Variants in LRRC4C observed in about 807,000 individuals in gnomAD.
LRRC4C encodes leucine-rich repeat-containing protein 4C.
LRRC4C carries 5 observed loss-of-function variants against 33.6 expected under a neutral mutation model. The observed-to-expected ratio is 0.15, with a 90% CI of 0.08 to 0.31. LRRC4C has a LOEUF of 0.31. LRRC4C is among the 10% of genes least tolerant of loss of function. The probability of loss-of-function intolerance (pLI) is 1.00; values close to 1 mark genes in which losing one functional copy is unlikely to be tolerated. For missense variants in LRRC4C, 560 were observed against 796.7 expected, an observed-to-expected ratio of 0.70 and a Z score of 3.58; for synonymous variants, 329 against 302.0, an observed-to-expected ratio of 1.09 and a Z score of -0.93.
At chr11:40,759,962 CAAAA>C (rs57459258) in intron 2 of LRRC4C, among the ~76,000 whole-genome samples, 4 of 95,730 alleles carry the variant, frequency 4.2e-5, no homozygotes, top group Admixed American at 2.0e-4. Flanking sequence ...ACAACAACAA[CAAAA>C]AAAAAAAAAA....
intron 2 of LRRC4C, among the ~76,000 whole-genome samples, chr11:40,909,769 C>T (rs1285767449): frequency 6.6e-6 from 1 of 152,118 alleles, no homozygotes; most frequent in East Asian, 1.9e-4. Flanking sequence ...TAATTCTCAG[C>T]ACAACATTGT....
intron 1 of LRRC4C, among the ~76,000 whole-genome samples, chr11:41,265,953 C>T (rs1337552051): frequency 6.6e-6 from 1 of 151,798 alleles, no homozygotes; most frequent in East Asian, 1.9e-4. Flanking sequence ...GGATGAGATA[C>T]AACACTTGAT....
chr11:41,222,358 T>A (rs988947086), intron 1 of LRRC4C, among the ~76,000 whole-genome samples: 3 of 152,060 alleles, frequency 2.0e-5, no homozygotes, highest in African/African-American at 7.2e-5. Context: ...CAGCTGACAC[T>A]TCCTCTCCCC....
At chr11:41,042,634 T>C (rs1184767273) in intron 1 of LRRC4C, among the ~76,000 whole-genome samples, 1 of 152,200 alleles carries the variant, frequency 6.6e-6, no homozygotes, top group Non-Finnish European at 1.5e-5. Flanking sequence ...ACATCAATTT[T>C]GTCTTAGATC....
intron 1 of LRRC4C, among the ~76,000 whole-genome samples, chr11:41,103,968 T>C (rs867193934): frequency 1.3e-5 from 2 of 151,994 alleles, no homozygotes; most frequent in Middle Eastern, 6.8e-3. Flanking sequence ...AAACTATATA[T>C]AAACATTAAA....
At chr11:41,424,958 C>T (rs951752776) in intron 1 of LRRC4C, among the ~76,000 whole-genome samples, 1 of 151,870 alleles carries the variant, frequency 6.6e-6, no homozygotes, top group African/African-American at 2.4e-5. Flanking sequence ...TAGTATTAAA[C>T]ATTAATTTTA....
chr11:40,525,939 T>C (rs777682841), intron 3 of LRRC4C, among the ~76,000 whole-genome samples: 1 of 152,164 alleles, frequency 6.6e-6, no homozygotes, highest in African/African-American at 2.4e-5. Context: ...CACACATATG[T>C]TATCACTTTA....
chr11:41,141,583 C>T (rs1210809106), intron 1 of LRRC4C, among the ~76,000 whole-genome samples: 1 of 152,000 alleles, frequency 6.6e-6, no homozygotes, highest in African/African-American at 2.4e-5. Flanking sequence ...ATAATTGAAT[C>T]GTGGGAGCGG....
intron 1 of LRRC4C, among the ~76,000 whole-genome samples, chr11:41,314,499 C>T (rs1373839456): frequency 6.6e-6 from 1 of 152,110 alleles, no homozygotes; most frequent in Non-Finnish European, 1.5e-5. Flanking sequence ...TATAAAAAGA[C>T]TCAAGACTGT....
intron 1 of LRRC4C, among the ~76,000 whole-genome samples, chr11:41,204,018 C>G (rs1946500653): frequency 6.6e-6 from 1 of 151,992 alleles, no homozygotes. Flanking sequence ...AGAATAAGAC[C>G]TCATTTTTTT....
chr11:40,980,813 G>A (rs1044483334), intron 1 of LRRC4C, among the ~76,000 whole-genome samples: 1 of 152,144 alleles, frequency 6.6e-6, no homozygotes, highest in African/African-American at 2.4e-5. Context: ...ATATTCAAAA[G>A]ATGTTGAAGA....
At chr11:40,385,103 G>A (rs745639722) in intron 3 of LRRC4C, among the ~76,000 whole-genome samples, 31 of 151,978 alleles carry the variant, frequency 2.0e-4, no homozygotes, top group Admixed American at 4.6e-4. Context: ...CACACTCAAA[G>A]TTATCTTCAG....
intron 2 of LRRC4C, among the ~76,000 whole-genome samples, chr11:40,845,713 G>C (rs1305482943): frequency 1.3e-5 from 2 of 152,068 alleles, no homozygotes; most frequent in East Asian, 1.9e-4. Context: ...GGATTGCTGG[G>C]TCAAATGATA....
intron 1 of LRRC4C, among the ~76,000 whole-genome samples, chr11:41,155,316 T>C (rs994775793): frequency 6.6e-6 from 1 of 152,140 alleles, no homozygotes; most frequent in Non-Finnish European, 1.5e-5. Context: ...ACAAGGAGAC[T>C]TCACTTGAAG....
intron 3 of LRRC4C, among the ~76,000 whole-genome samples, chr11:40,323,959 TAGA>T (rs1272140563): frequency 6.6e-6 from 1 of 152,176 alleles, no homozygotes; most frequent in Non-Finnish European, 1.5e-5. Flanking sequence ...TAAGCAAATA[TAGA>T]AGATCTCACT....
chr11:40,683,352 T>C (rs562464602), intron 2 of LRRC4C, among the ~76,000 whole-genome samples: 3 of 152,312 alleles, frequency 2.0e-5, no homozygotes, highest in African/African-American at 4.8e-5. Flanking sequence ...TTAGAACGTA[T>C]GTTCAAGTAT....
At chr11:40,694,953 T>C (rs1029779388) in intron 2 of LRRC4C, among the ~76,000 whole-genome samples, 4 of 152,166 alleles carry the variant, frequency 2.6e-5, no homozygotes, top group Non-Finnish European at 5.9e-5. Context: ...TCTTTTTTTT[T>C]CTATATTTAT....
rs575875806 is a variant in LRRC4C at position 40,217,212 on chromosome 11, T to C, written c.-96+24307A>G. On this transcript the variant is annotated intron_variant, in intron 5 of 6. Coordinates refer to ENST00000528697, the MANE Select transcript of LRRC4C (RefSeq NM_001258419.2). ...TTACTCTGTTCTAAGCATTGTTCTGTGTGTTTTACATGAATTATCTCATGT... is the reference window on the plus strand; with the variant it reads ...TTACTCTGTTCTAAGCATTGTTCTGCGTGTTTTACATGAATTATCTCATGT... Among the ~76,000 whole-genome samples the C allele has an allele frequency of 3.5e-4, 53 of 152,264 alleles. 1 individual carries two copies. The South Asian group carries it at 0.011, about 30-fold the overall frequency.
intron 3 of LRRC4C, among the ~76,000 whole-genome samples, chr11:40,597,190 C>G (rs965405336): frequency 6.6e-6 from 1 of 152,084 alleles, no homozygotes; most frequent in African/African-American, 2.4e-5. Flanking sequence ...CATTTGGTAA[C>G]ATGTCTGTCT....
Sources: gnomAD v4.1 joint callset for allele counts (sites outside exome capture counted in the v4.1 genomes callset) on GRCh38, gnomAD v4.1.1 for gene constraint, MANE v1.5 for transcripts, NCBI Gene and HGNC (gene_info 2026-07-23, HGNC 2026-07-21) for gene names.